The following CNTN4 variants were observed in gnomAD, a reference collection of about 807,000 sequenced individuals.
The protein encoded by CNTN4 is contactin-4.
Under a neutral mutation model 122.5 loss-of-function variants are expected in CNTN4, and 77 were observed. The ratio of observed to expected loss-of-function variants is 0.63; its 90% CI spans 0.52 to 0.76. The LOEUF (loss-of-function observed/expected upper bound fraction) is 0.76. CNTN4 is among the 30% of genes least tolerant of loss of function. The pLI is 0.00. For synonymous variants in CNTN4, 512 were observed against 447.0 expected (o/e 1.15, Z -1.83); for missense variants, 1,256 against 1,259.1 (o/e 1.00, Z 0.04).
At chr3:2,413,450 T>C (rs1361993502) in intron 3 of CNTN4, among the ~76,000 whole-genome samples, 1 of 152,226 alleles carries the variant, frequency 6.6e-6, no homozygotes, top group Non-Finnish European at 1.5e-5. Context: ...TCTAATTTGT[T>C]GGACATCTAG....
chr3:2,833,792 C>T (rs187704731), intron 7 of CNTN4, among the ~76,000 whole-genome samples: 353 of 152,250 alleles, frequency 2.3e-3, no homozygotes, highest in Non-Finnish European at 3.9e-3. Flanking sequence ...GACCTGTACT[C>T]CTAGTAGCTC....
At chr3:2,876,956 A>G (rs182653119) in intron 8 of CNTN4, among the ~76,000 whole-genome samples, 33 of 152,348 alleles carry the variant, frequency 2.2e-4, no homozygotes, top group African/African-American at 7.2e-4. Flanking sequence ...AGCAGCATCA[A>G]CATCACCTTG....
chr3:2,424,213 C>T (rs898321210), intron 3 of CNTN4, among the ~76,000 whole-genome samples: 2 of 106,538 alleles, frequency 1.9e-5, no homozygotes, highest in African/African-American at 3.4e-5. Context: ...TATCCCTCCC[C>T]CCTCCCTCCA....
chr3:2,195,205 A>C (rs1425765153), intron 2 of CNTN4, among the ~76,000 whole-genome samples: 2 of 152,252 alleles, frequency 1.3e-5, no homozygotes, highest in Non-Finnish European at 2.9e-5. Flanking sequence ...CATTTCACTT[A>C]GCATGACATC....
rs1265911225 is a variant in CNTN4, at chr3:3,057,653, T to G, written c.*1433T>G. The stretch of plus-strand genomic sequence containing the variant: ...TTACAAATAATATAACTTTTCAACC[T>G]TCTAGTTATATTTATCCAATAAAGT... On this transcript the variant is annotated 3_prime_UTR_variant, in exon 25 of 25. Transcript: ENST00000418658. 1 of 152,648 alleles carries G rather than the reference T, an allele frequency of 6.6e-6. No individual in the cohort carries two copies. The highest frequency in any genetic ancestry group is 1.5e-5 in the Non-Finnish European group (1 of 68,034). 9.5% of individuals were successfully genotyped at this position (152,648 alleles called of 1,614,324 possible).
intron 2 of CNTN4, among the ~76,000 whole-genome samples, chr3:2,235,175 A>G (rs185524280): frequency 2.0e-5 from 3 of 152,316 alleles, no homozygotes; most frequent in African/African-American, 7.2e-5. Context: ...TCTTTTGACT[A>G]CAGTTTGAAA....
intron 3 of CNTN4, among the ~76,000 whole-genome samples, chr3:2,417,639 C>T (rs1441926350): frequency 3.3e-5 from 5 of 152,138 alleles, no homozygotes; most frequent in Non-Finnish European, 5.9e-5. Flanking sequence ...GAGATTTACC[C>T]GAAGGAGGTG....
chr3:2,482,990 C>T (rs905266263), intron 3 of CNTN4, among the ~76,000 whole-genome samples: 2 of 152,106 alleles, frequency 1.3e-5, no homozygotes, highest in African/African-American at 4.8e-5. Flanking sequence ...AGAAGAAGGC[C>T]ACCATCCTCC....
chr3:2,140,337 C>T (rs769793042), intron 2 of CNTN4, among the ~76,000 whole-genome samples: 25 of 152,282 alleles, frequency 1.6e-4, no homozygotes, highest in Admixed American at 1.2e-3. Context: ...AGATAAGTGC[C>T]TCTGTTGCCC....
intron 4 of CNTN4, among the ~76,000 whole-genome samples, chr3:2,693,696 C>T (rs564248154): frequency 2.0e-4 from 30 of 152,084 alleles, no homozygotes; most frequent in Admixed American, 5.9e-4. Context: ...AAATAGAGTA[C>T]GTATTTTAAA....
intron 2 of CNTN4, among the ~76,000 whole-genome samples, chr3:2,252,292 G>T (rs1331947816): frequency 2.6e-5 from 4 of 151,846 alleles, no homozygotes; most frequent in African/African-American, 9.7e-5. Context: ...TTTTCAAATG[G>T]ATCTTCAGCA....
chr3:2,435,098 T>A (rs1335070984), intron 3 of CNTN4, among the ~76,000 whole-genome samples: 2 of 152,202 alleles, frequency 1.3e-5, no homozygotes, highest in Non-Finnish European at 2.9e-5. Flanking sequence ...AAGAGCTTAA[T>A]ACTAAAGTGA....
chr3:2,523,649 T>A (rs989631841), intron 3 of CNTN4, among the ~76,000 whole-genome samples: 3 of 151,970 alleles, frequency 2.0e-5, no homozygotes, highest in Non-Finnish European at 4.4e-5. Context: ...AGAGTCAGTA[T>A]GAAGAGGTTT....
chr3:2,208,295 T>G (rs2038454148), intron 2 of CNTN4, among the ~76,000 whole-genome samples: 1 of 152,108 alleles, frequency 6.6e-6, no homozygotes, highest in African/African-American at 2.4e-5. Context: ...CTGACCGTCG[T>G]GGATGACTTA....
chr3:2,304,858 G>A (rs1208385177), intron 2 of CNTN4, among the ~76,000 whole-genome samples: 1 of 151,158 alleles, frequency 6.6e-6, no homozygotes, highest in Non-Finnish European at 1.5e-5. Flanking sequence ...AATCTGGTAA[G>A]ATTGTATCTT....
chr3:2,287,711 GGAAGAAGAAGAAGAAGAA>G lies in CNTN4; in HGVS notation c.-144-51417_-144-51400del, dbSNP rs56014308. Among the ~76,000 whole-genome samples the G allele has an allele frequency of 7.6e-3, 498 of 65,428 alleles. 10 individuals are homozygous for G. The highest frequency in any genetic ancestry group is 0.037 in the East Asian group (71 of 1,920). 42.9% of individuals were successfully genotyped at this position (65,428 alleles called of 152,430 possible). A position where few individuals can be genotyped will look rare whatever the true frequency, so the allele number is the denominator to read the frequency against. Reference sequence around the variant, plus strand: ...AAGAAGAGGAAGAAGAAGAAGAAGAGGAAGAAGAAGAAGAAGAAGAAGAAGAAGAAGAAGAAGAAGAAG... The same window carrying G: ...AAGAAGAGGAAGAAGAAGAAGAAGAGGAAGAAGAAGAAGAAGAAGAAGAAG... On this transcript the variant is annotated intron_variant, in intron 2 of 24. Transcript: ENST00000418658.
At chr3:2,312,009 G>T (rs964148187) in intron 2 of CNTN4, among the ~76,000 whole-genome samples, 3 of 151,954 alleles carry the variant, frequency 2.0e-5, no homozygotes, top group South Asian at 2.1e-4. Context: ...AACTAATTAA[G>T]AAAAAAGTGA....
At chr3:2,558,284 G>T (rs1355615425) in intron 3 of CNTN4, among the ~76,000 whole-genome samples, 6 of 152,110 alleles carry the variant, frequency 3.9e-5, no homozygotes, top group African/African-American at 1.2e-4. Flanking sequence ...CTTATTAGGG[G>T]TTTACCAGTT....
intron 2 of CNTN4, among the ~76,000 whole-genome samples, chr3:2,235,390 G>A (rs1178928726): frequency 6.6e-6 from 1 of 152,124 alleles, no homozygotes; most frequent in African/African-American, 2.4e-5. Flanking sequence ...GAATATCTTA[G>A]CCTGTTTTTC....
Sources: gnomAD v4.1 joint callset for allele counts (sites outside exome capture counted in the v4.1 genomes callset) on GRCh38, gnomAD v4.1.1 for gene constraint, MANE v1.5 for transcripts, NCBI Gene and HGNC (gene_info 2026-07-23, HGNC 2026-07-21) for gene names.